The following ANKRD6 variants were observed in gnomAD, a reference collection of about 807,000 sequenced individuals.
ANKRD6 encodes ankyrin repeat domain-containing protein 6.
Under a neutral mutation model 82.3 loss-of-function variants are expected in ANKRD6, and 56 were observed. That is an observed-to-expected ratio of 0.68 (90% CI 0.55 to 0.85). ANKRD6 has a LOEUF of 0.85. Among genes scored for constraint, ANKRD6 ranks in the 40% least tolerant of loss-of-function variants. ANKRD6 has a pLI of 0.00. For synonymous variants in ANKRD6, 347 were observed against 352.1 expected, an observed-to-expected ratio of 0.99 and a Z score of 0.16; for missense variants, 852 against 907.6, an observed-to-expected ratio of 0.94 and a Z score of 0.79.
intron 1 of ANKRD6, among the ~76,000 whole-genome samples, chr6:89,537,988 A>G: frequency 6.6e-6 from 1 of 152,122 alleles, no homozygotes; most frequent in Admixed American, 6.5e-5. Flanking sequence ...CCCAGACAGC[A>G]TGTCATTTCA....
At chr6:89,453,166 C>T (rs546877331) in intron 1 of ANKRD6, among the ~76,000 whole-genome samples, 351 of 152,298 alleles carry the variant, frequency 2.3e-3, no homozygotes, top group Middle Eastern at 0.017. Context: ...TCTTGCTTTA[C>T]ACAACATTAT....
intron 9 of ANKRD6, among the ~76,000 whole-genome samples, chr6:89,618,889 G>A (rs1017369014): frequency 2.6e-5 from 4 of 152,026 alleles, no homozygotes; most frequent in Non-Finnish European, 5.9e-5. Flanking sequence ...TTCCAGATTG[G>A]CACTATTCTG....
At chr6:89,496,173 A>T (rs1483184579) in intron 1 of ANKRD6, among the ~76,000 whole-genome samples, 1 of 145,606 alleles carries the variant, frequency 6.9e-6, no homozygotes, top group Non-Finnish European at 1.5e-5. Flanking sequence ...TTTTTTCCAC[A>T]CTGCCCCCCC....
chr6:89,499,972 TAA>T (rs2127882262), intron 1 of ANKRD6, among the ~76,000 whole-genome samples: 1 of 152,236 alleles, frequency 6.6e-6, no homozygotes, highest in South Asian at 2.1e-4. Flanking sequence ...AAAGCCTCTA[TAA>T]AATCGTACTC....
At chr6:89,482,657 T>C (rs7776115) in intron 1 of ANKRD6, among the ~76,000 whole-genome samples, 24,603 of 152,132 alleles carry the variant, frequency 0.16, 2,253 homozygotes, top group South Asian at 0.34. Flanking sequence ...TTGGAAATTC[T>C]CCCCACCTTG....
At chr6:89,586,349 C>T (rs1793679973) in intron 2 of ANKRD6, among the ~76,000 whole-genome samples, 1 of 152,180 alleles carries the variant, frequency 6.6e-6, no homozygotes, top group African/African-American at 2.4e-5. Flanking sequence ...CATAGTTCAT[C>T]ATGTATTGGC....
Position 89,629,157 on chromosome 6 carries a change from C to A in ANKRD6, c.1531C>A (p.Gln511Lys), listed in dbSNP as rs763413725. The part of the protein sequence containing the change: ...ELKTWCMLKI[Q>K]NLEQKLSGDS... ...AAAAACCTGGTGCATGTTAAAGATT[C>A]AGAATCTGGAGCAGAAGCTTTCTGG... is the stretch of plus-strand genomic sequence containing the variant. Residue 511 changes from glutamine (Q) to lysine (K), a missense_variant, in exon 15 of 16, where the codon CAG (glutamine) becomes AAG (lysine). Transcript: ENST00000339746. 4 of 1,613,086 alleles carry A rather than the reference C, an allele frequency of 2.5e-6. No homozygotes were observed. In the African/African-American group the frequency reaches 5.4e-5, roughly 22 times the overall value.
intron 1 of ANKRD6, among the ~76,000 whole-genome samples, chr6:89,506,112 A>T (rs1343901976): frequency 6.6e-6 from 1 of 152,170 alleles, no homozygotes; most frequent in Non-Finnish European, 1.5e-5. Flanking sequence ...CAGTTATAAG[A>T]TGAATAAGTT....
At chr6:89,564,862 G>A (rs919451594) in intron 1 of ANKRD6, among the ~76,000 whole-genome samples, 3 of 152,124 alleles carry the variant, frequency 2.0e-5, no homozygotes, top group South Asian at 2.1e-4. Flanking sequence ...GTAGATGACG[G>A]GGGGGAGGGT....
intron 2 of ANKRD6, among the ~76,000 whole-genome samples, chr6:89,595,081 C>T (rs947848742): frequency 3.9e-5 from 6 of 152,126 alleles, no homozygotes; most frequent in South Asian, 2.1e-4. Context: ...GAGGAAGAAC[C>T]GGCCAGTCAT....
intron 1 of ANKRD6, among the ~76,000 whole-genome samples, chr6:89,472,702 C>T (rs964990963): frequency 6.6e-6 from 1 of 152,174 alleles, no homozygotes; most frequent in African/African-American, 2.4e-5. Flanking sequence ...AATTGAAAGA[C>T]CACTCAGTCT....
intron 1 of ANKRD6, among the ~76,000 whole-genome samples, chr6:89,453,599 A>G (rs1199533211): frequency 6.6e-6 from 1 of 151,104 alleles, no homozygotes; most frequent in Non-Finnish European, 1.5e-5. Context: ...TTTTTTTTTG[A>G]GATGGAGTCT....
At chr6:89,482,062 TCA>T (rs1383595700) in intron 1 of ANKRD6, among the ~76,000 whole-genome samples, 10 of 152,206 alleles carry the variant, frequency 6.6e-5, no homozygotes, top group Non-Finnish European at 1.0e-4. Flanking sequence ...AAGCCCCTGC[TCA>T]CACACTCAGA....
chr6:89,545,481 A>T (rs1177534401), intron 1 of ANKRD6, among the ~76,000 whole-genome samples: 2 of 152,184 alleles, frequency 1.3e-5, no homozygotes, highest in Non-Finnish European at 2.9e-5. Flanking sequence ...TAGCTGAGAT[A>T]GTGCAGCTGA....
At chr6:89,557,078 T>C (rs542018695) in intron 1 of ANKRD6, among the ~76,000 whole-genome samples, 2 of 152,220 alleles carry the variant, frequency 1.3e-5, no homozygotes, top group South Asian at 2.1e-4. Flanking sequence ...AGATGAAAGA[T>C]GGAGCCCCTC....
chr6:89,473,064 A>G (rs1337152646), intron 1 of ANKRD6, among the ~76,000 whole-genome samples: 1 of 152,146 alleles, frequency 6.6e-6, no homozygotes, highest in Non-Finnish European at 1.5e-5. Flanking sequence ...TTTTAATCTT[A>G]CATAGCCATT....
chr6:89,589,102 GCT>G (rs1794375340), intron 2 of ANKRD6, among the ~76,000 whole-genome samples: 1 of 151,732 alleles, frequency 6.6e-6, no homozygotes, highest in Non-Finnish European at 1.5e-5. Flanking sequence ...GTCCAGGTCT[GCT>G]CTGTTAGACC....
intron 2 of ANKRD6, among the ~76,000 whole-genome samples, chr6:89,575,452 G>T (rs1328068532): frequency 1.3e-5 from 2 of 152,120 alleles, no homozygotes; most frequent in Non-Finnish European, 2.9e-5. Context: ...TAACCATCAT[G>T]TTTCCACTAT....
chr6:89,461,370 T>C (rs1448518482), intron 1 of ANKRD6, among the ~76,000 whole-genome samples: 1 of 152,174 alleles, frequency 6.6e-6, no homozygotes, highest in Non-Finnish European at 1.5e-5. Context: ...GTACATTAGT[T>C]GATGGGAGAG....
Sources: allele counts gnomAD v4.1 joint callset (sites outside exome capture counted in the v4.1 genomes callset), GRCh38; gene constraint gnomAD v4.1.1; transcripts MANE v1.5; gene names NCBI Gene and HGNC (gene_info 2026-07-23, HGNC 2026-07-21).